Variants in PDSS2 observed in about 807,000 individuals in gnomAD.
The protein encoded by PDSS2 is all trans-polyprenyl-diphosphate synthase PDSS2.
PDSS2 carries 31 observed loss-of-function variants against 44.5 expected under a neutral mutation model. The observed-to-expected ratio is 0.70, with a 90% CI of 0.52 to 0.94. The LOEUF (loss-of-function observed/expected upper bound fraction) is 0.94. Ranked by LOEUF, PDSS2 falls within the 40% of genes least tolerant of loss-of-function variation. The pLI, the probability that PDSS2 is intolerant of heterozygous loss-of-function variation, is 0.00. For missense variants in PDSS2, 452 were observed against 482.2 expected (o/e 0.94, Z 0.59); for synonymous variants, 157 against 180.3 (o/e 0.87, Z 1.03).
intron 1 of PDSS2, among the ~76,000 whole-genome samples, chr6:107,451,162 C>T (rs925319913): frequency 6.6e-6 from 1 of 152,164 alleles, no homozygotes; most frequent in Non-Finnish European, 1.5e-5. Flanking sequence ...AATTGTTATG[C>T]TGTTTTCCAG....
intron 7 of PDSS2, among the ~76,000 whole-genome samples, chr6:107,178,959 G>A (rs1771882607): frequency 6.6e-6 from 1 of 152,192 alleles, no homozygotes; most frequent in Non-Finnish European, 1.5e-5. Context: ...TAGGTTATTT[G>A]AGCTCTTCTC....
intron 3 of PDSS2, among the ~76,000 whole-genome samples, chr6:107,252,322 T>C (rs1458092598): frequency 6.6e-6 from 1 of 152,202 alleles, no homozygotes; most frequent in African/African-American, 2.4e-5. Context: ...CACCAACTCA[T>C]AGGAGTTCTG....
chr6:107,458,412 CAA>C (rs60758453), intron 1 of PDSS2, among the ~76,000 whole-genome samples: 13 of 78,152 alleles, frequency 1.7e-4, no homozygotes, highest in Admixed American at 3.8e-4. Flanking sequence ...GACTCCGTCT[CAA>C]AAAAAAAAAA....
At chr6:107,428,610 T>C (rs886680617) in intron 1 of PDSS2, among the ~76,000 whole-genome samples, 2 of 152,278 alleles carry the variant, frequency 1.3e-5, no homozygotes, top group African/African-American at 4.8e-5. Context: ...GGAAGATCAC[T>C]TGAAGCCAGG....
At chr6:107,389,642 T>C (rs1779719853) in intron 1 of PDSS2, among the ~76,000 whole-genome samples, 2 of 152,200 alleles carry the variant, frequency 1.3e-5, no homozygotes, top group South Asian at 4.1e-4. Context: ...TATGAATTCA[T>C]GTTTAACTTA....
chr6:107,310,605 C>T (rs148367775), intron 2 of PDSS2, among the ~76,000 whole-genome samples: 103 of 152,240 alleles, frequency 6.8e-4, no homozygotes, highest in Middle Eastern at 3.4e-3. Flanking sequence ...GTCTTTGAGC[C>T]CATTCATTCC....
chr6:107,221,358 A>G (rs2114680968), intron 4 of PDSS2, among the ~76,000 whole-genome samples: 1 of 151,762 alleles, frequency 6.6e-6, no homozygotes, highest in South Asian at 2.1e-4. Flanking sequence ...AAAAAAAAAA[A>G]AAAAAAAAAA....
intron 1 of PDSS2, among the ~76,000 whole-genome samples, chr6:107,418,382 G>A (rs1780728448): frequency 6.6e-6 from 1 of 152,208 alleles, no homozygotes; most frequent in African/African-American, 2.4e-5. Flanking sequence ...AGAACCTCCA[G>A]AAGGAACACA....
rs541500589 is a variant in PDSS2 at position 107,222,714 on chromosome 6, T to C, written c.703-10432A>G. On this transcript the variant is annotated intron_variant, in intron 4 of 7. Coordinates refer to ENST00000369037, the MANE Select transcript of PDSS2 (RefSeq NM_020381.4). ...TATTTTGACCAAGATTAGACCGTAGTATGTGGCAGAGATGAGTCTCAGAAG... is the reference window on the plus strand; with the variant it reads ...TATTTTGACCAAGATTAGACCGTAGCATGTGGCAGAGATGAGTCTCAGAAG... 4.9e-4 allele frequency among the ~76,000 whole-genome samples: 74 copies of C among 151,402 alleles called. 2 individuals carry two copies. The South Asian group carries it at 0.015, about 32-fold the overall frequency.
At chr6:107,312,234 G>T (rs1409919522) in intron 2 of PDSS2, among the ~76,000 whole-genome samples, 1 of 152,048 alleles carries the variant, frequency 6.6e-6, no homozygotes, top group Non-Finnish European at 1.5e-5. Context: ...CCCTTCACTG[G>T]TTTGCCATCC....
chr6:107,303,578 A>G (rs781740636), intron 2 of PDSS2, among the ~76,000 whole-genome samples: 6 of 152,236 alleles, frequency 3.9e-5, no homozygotes, highest in African/African-American at 9.6e-5. Flanking sequence ...TGTTCATACT[A>G]TACATATGGT....
intron 2 of PDSS2, among the ~76,000 whole-genome samples, chr6:107,324,898 G>A (rs1178939289): frequency 6.6e-6 from 1 of 152,076 alleles, no homozygotes; most frequent in Non-Finnish European, 1.5e-5. Context: ...CTAATGTGTG[G>A]AATGAAGGTG....
At chr6:107,388,385 T>C (rs1466745227) in intron 1 of PDSS2, among the ~76,000 whole-genome samples, 1 of 152,030 alleles carries the variant, frequency 6.6e-6, no homozygotes, top group African/African-American at 2.4e-5. Flanking sequence ...CTAAAAATCA[T>C]GCTCCTACGT....
At chr6:107,433,152 G>A (rs893146365) in intron 1 of PDSS2, among the ~76,000 whole-genome samples, 7 of 151,526 alleles carry the variant, frequency 4.6e-5, no homozygotes, top group African/African-American at 9.7e-5. Context: ...TTTTTCCTAC[G>A]TTGACCGGGT....
At chr6:107,434,281 A>G (rs942509327) in intron 1 of PDSS2, among the ~76,000 whole-genome samples, 9 of 152,214 alleles carry the variant, frequency 5.9e-5, no homozygotes, top group Admixed American at 4.6e-4. Context: ...GGAAATCAGT[A>G]TACTGAAGAG....
intron 2 of PDSS2, among the ~76,000 whole-genome samples, chr6:107,283,806 G>A (rs1306068735): frequency 3.9e-5 from 6 of 152,050 alleles, no homozygotes; most frequent in Non-Finnish European, 7.4e-5. Flanking sequence ...GCCAAGGCAG[G>A]CGAATCACCT....
chr6:107,402,326 G>A lies in PDSS2; in HGVS notation c.296+56664C>T, dbSNP rs181911514. The stretch of plus-strand genomic sequence containing the variant: ...CAAACAAAAAAAACAAAAAAGAATG[G>A]ACAAAGCCTTCAACAAGTATGGGAC... On this transcript the variant is annotated intron_variant, in intron 1 of 7. Coordinates refer to ENST00000369037, the MANE Select transcript of PDSS2 (RefSeq NM_020381.4). 2.2e-3 allele frequency among the ~76,000 whole-genome samples: 331 copies of A among 148,500 alleles called. 1 individual carries two copies. Among genetic ancestry groups the A allele is most frequent in the Non-Finnish European group, 3.5e-3 (237 of 67,098 alleles).
chr6:107,425,197 GCATAAAAACAGA>G (rs1443736029), intron 1 of PDSS2, among the ~76,000 whole-genome samples: 6 of 152,118 alleles, frequency 3.9e-5, no homozygotes, highest in Non-Finnish European at 8.8e-5. Flanking sequence ...TTTATCAGCA[GCATAAAAACAGA>G]CATACAGTAA....
intron 1 of PDSS2, among the ~76,000 whole-genome samples, chr6:107,353,786 A>G (rs1304936709): frequency 6.6e-6 from 1 of 152,160 alleles, no homozygotes; most frequent in Non-Finnish European, 1.5e-5. Flanking sequence ...ATATAAATGA[A>G]TTTTAACAGA....
Sources: allele counts gnomAD v4.1 joint callset (sites outside exome capture counted in the v4.1 genomes callset), GRCh38; gene constraint gnomAD v4.1.1; transcripts MANE v1.5; gene names NCBI Gene and HGNC (gene_info 2026-07-23, HGNC 2026-07-21).